The following MBTD1 variants were observed in gnomAD, a reference collection of about 807,000 sequenced individuals.
The protein encoded by MBTD1 is mbt domain containing 1, also known as MBT domain-containing protein 1.
In MBTD1, 24 loss-of-function variants were observed where a neutral mutation model predicts 87.8. That is an observed-to-expected ratio of 0.27 (90% CI 0.20 to 0.38). MBTD1 has a LOEUF of 0.38. Among genes scored for constraint, MBTD1 ranks in the 10% least tolerant of loss-of-function variants. The pLI, the probability that MBTD1 is intolerant of heterozygous loss-of-function variation, is 1.00. For synonymous variants in MBTD1, 237 were observed against 248.6 expected (o/e 0.95, Z 0.44); for missense variants, 436 against 760.2 (o/e 0.57, Z 5.02).
At chr17:51,245,518 G>A (rs1253756197) in intron 2 of MBTD1, among the ~76,000 whole-genome samples, 5 of 151,742 alleles carry the variant, frequency 3.3e-5, no homozygotes, top group Admixed American at 6.6e-5. Context: ...TTTATATTTA[G>A]ATCTAATGTG....
chr17:51,251,290 T>C (rs2054766476), intron 2 of MBTD1: 1 of 152,190 alleles, frequency 6.6e-6, no homozygotes, highest in African/African-American at 2.4e-5. Flanking sequence ...CTAAGTTCAG[T>C]TTTTTTCTTT....
intron 14 of MBTD1, 122 bp from the exon 15 acceptor site, chr17:51,193,138 T>C: frequency 1.4e-6 from 1 of 703,064 alleles, no homozygotes; most frequent in Non-Finnish European, 2.4e-6. Flanking sequence ...AACCATAAAT[T>C]CCAAATAATT....
chr17:51,227,047 C>G (rs1348906221), intron 2 of MBTD1, among the ~76,000 whole-genome samples: 1 of 151,878 alleles, frequency 6.6e-6, no homozygotes, highest in Admixed American at 6.6e-5. Context: ...TCGAGACCAT[C>G]CTGGCTAACA....
chr17:51,249,668 G>A (rs2144175298), intron 2 of MBTD1: 1 of 152,046 alleles, frequency 6.6e-6, no homozygotes, highest in African/African-American at 2.4e-5. Flanking sequence ...TATGCATTAT[G>A]TACTGTATAC....
At chr17:51,254,862 G>A (rs1371309205) in intron 2 of MBTD1, among the ~76,000 whole-genome samples, 1 of 152,184 alleles carries the variant, frequency 6.6e-6, no homozygotes, top group Non-Finnish European at 1.5e-5. Flanking sequence ...AACATGCAGT[G>A]GCCTAGAGAT....
chr17:51,256,126 G>A (rs1317804375), intron 2 of MBTD1, among the ~76,000 whole-genome samples: 2 of 152,170 alleles, frequency 1.3e-5, no homozygotes, highest in Non-Finnish European at 2.9e-5. Context: ...AGGAAAGCCT[G>A]GGAACACATC....
In MBTD1 at chr17:51,184,806, A is replaced by G. The variant is rs530124758; in HGVS notation, c.1769-4112T>C. 68 of 152,372 alleles carry G rather than the reference A, an allele frequency of 4.5e-4. 1 individual carries two copies. Among genetic ancestry groups the G allele is most frequent in the Middle Eastern group, 3.4e-3 (1 of 294 alleles). The allele number at this position is 152,372 out of a possible 1,614,324, so 9.4% of individuals were successfully genotyped here. On this transcript the variant is annotated intron_variant, in intron 16 of 16. Transcript: ENST00000586178. ...TAAGTAATGCAAGACTATTTCATAAATAAGTGCAAAAAGAAAAAAACTTAG... is the reference window on the plus strand; with the variant it reads ...TAAGTAATGCAAGACTATTTCATAAGTAAGTGCAAAAAGAAAAAAACTTAG...
At chr17:51,197,593 C>A (rs930689577) in intron 12 of MBTD1, among the ~76,000 whole-genome samples, 1 of 151,114 alleles carries the variant, frequency 6.6e-6, no homozygotes, top group South Asian at 2.1e-4. Context: ...CTGCAGCCAA[C>A]TTCCCTGAGC....
intron 4 of MBTD1, among the ~76,000 whole-genome samples, chr17:51,219,817 C>T (rs1041850194): frequency 6.6e-6 from 1 of 152,192 alleles, no homozygotes; most frequent in Non-Finnish European, 1.5e-5. Context: ...CACTGATGTA[C>T]ATTTAAAGCA....
rs1418906075 is a variant in MBTD1, at chr17:51,225,136, C to T, written c.26G>A (p.Ser9Asn). 8.4e-6 allele frequency: 13 copies of T among 1,550,108 alleles called. No homozygotes were observed. Among genetic ancestry groups the T allele is most frequent in the Non-Finnish European group, 8.7e-6 (10 of 1,146,432 alleles). The change falls in exon 3 of 17, where the codon AGT (serine) becomes AAT (asparagine). Residue 9 changes from serine to asparagine, a missense_variant. Ser to Asn is a conservative substitution (Grantham distance 46, BLOSUM62 1). This residue lies in a region of MBTD1 where 38 missense variants were observed against 33.8 expected (regional missense o/e 1.12). Transcript: ENST00000586178. MFDGYDSC[S>N]EDTSSSSSSE... is the part of the protein sequence containing the mutation. ...GCTGGAGCTGCTGCTTGTGTCCTCA[C>T]TGCAGCTATCATAACCGTCAAACAT... is the stretch of plus-strand genomic sequence containing the variant.
At position 51,201,600 on chromosome 17, in the gene MBTD1, T is replaced by C. The variant is rs2051495627; in HGVS notation, c.1216A>G (p.Ile406Val). 1 of 1,593,208 alleles carries C rather than the reference T, an allele frequency of 6.3e-7. No homozygotes were observed. Residue 406 changes from isoleucine to valine, a missense_variant, in exon 12 of 17, where the codon ATT becomes GTT. Physicochemically the swap from Ile to Val is conservative, Grantham distance 29. Around this residue, in one of 5 missense-constraint regions of MBTD1, gnomAD observed 268 missense variants for 401.8 expected, o/e 0.67. Coordinates refer to ENST00000586178, the MANE Select transcript of MBTD1 (RefSeq NM_017643.3). ...LNLSTICVAT[I>V]RKVLADGFLM... is the part of the protein sequence containing the mutation. ...AAAACCTATTATCTTACCTTTCTAA[T>C]GGTTGCGACACATATTGTAGAAAGA...
intron 5 of MBTD1, among the ~76,000 whole-genome samples, chr17:51,218,261 G>A (rs2052683166): frequency 6.6e-6 from 1 of 151,944 alleles, no homozygotes; most frequent in African/African-American, 2.4e-5. Context: ...GGGCGCTGTG[G>A]CTCACACCTG....
intron 16 of MBTD1, among the ~76,000 whole-genome samples, chr17:51,187,737 T>C (rs2050605357): frequency 6.6e-6 from 1 of 151,726 alleles, no homozygotes; most frequent in Non-Finnish European, 1.5e-5. Context: ...GTAATCCCAC[T>C]ACTTGGGAGG....
intron 2 of MBTD1, among the ~76,000 whole-genome samples, chr17:51,245,375 A>C (rs764731383): frequency 6.6e-6 from 1 of 152,224 alleles, no homozygotes; most frequent in Non-Finnish European, 1.5e-5. Context: ...TTCCCCATAC[A>C]TTTAAAATAT....
chr17:51,192,118 GA>G, intron 16 of MBTD1, 84 bp downstream of exon 16: 1 of 980,436 alleles, frequency 1.0e-6, no homozygotes, highest in South Asian at 1.4e-5. Flanking sequence ...GTTCTCACAA[GA>G]TATATCATTT....
chr17:51,223,568 G>A (rs2053039443), intron 3 of MBTD1, among the ~76,000 whole-genome samples: 1 of 151,908 alleles, frequency 6.6e-6, no homozygotes, highest in African/African-American at 2.4e-5. Context: ...GGGCGTGGTG[G>A]CTCACCCCAG....
chr17:51,211,268 G>T (rs566271742), intron 6 of MBTD1, among the ~76,000 whole-genome samples: 220 of 152,176 alleles, frequency 1.4e-3, no homozygotes, highest in Non-Finnish European at 2.3e-3. Context: ...CAAGGTTGGG[G>T]GATTGCTTGT....
At chr17:51,205,654 G>C (rs1051454917) in intron 7 of MBTD1, among the ~76,000 whole-genome samples, 35 of 152,182 alleles carry the variant, frequency 2.3e-4, no homozygotes, top group African/African-American at 8.4e-4. Context: ...GAAAGGGAGA[G>C]GGAGACTGGC....
At chr17:51,216,951 A>T (rs1161148703) in intron 6 of MBTD1, among the ~76,000 whole-genome samples, 2 of 152,176 alleles carry the variant, frequency 1.3e-5, no homozygotes, top group Non-Finnish European at 2.9e-5. Flanking sequence ...CTGTAATCCC[A>T]GCATTTTGGG....
Sources: gnomAD v4.1 joint callset for allele counts (sites outside exome capture counted in the v4.1 genomes callset) on GRCh38, gnomAD v4.1.1 for gene constraint, gnomAD v4.1.1 regional missense constraint, MANE v1.5 for transcripts, NCBI Gene and HGNC (gene_info 2026-07-23, HGNC 2026-07-21) for gene names.